Variants in MON2 observed in about 807,000 individuals in gnomAD.
The protein encoded by MON2 is MON2 regulator of endosome-to-Golgi trafficking.
A neutral mutation model predicts 208.6 loss-of-function variants in MON2; 84 were observed. The observed-to-expected ratio is 0.40, with a 90% CI of 0.34 to 0.48. The LOEUF (loss-of-function observed/expected upper bound fraction) is 0.48, where lower values mean the gene tolerates loss of function less well. Among genes scored for constraint, MON2 ranks in the 20% least tolerant of loss-of-function variants. MON2 has a pLI of 0.59. For synonymous variants in MON2, 660 were observed against 694.0 expected (o/e 0.95, Z 0.77); for missense variants, 1,611 against 2,015.4 (o/e 0.80, Z 3.84).
chr12:62,565,598 C>A (rs1487058633), intron 27 of MON2, among the ~76,000 whole-genome samples: 1 of 152,182 alleles, frequency 6.6e-6, no homozygotes, highest in Non-Finnish European at 1.5e-5. Flanking sequence ...CCTCTTCCAA[C>A]TGATTCTTCA....
At position 62,500,864 on chromosome 12, in the gene MON2, C is replaced by T; in HGVS notation, c.647C>T (p.Ala216Val). The change falls in exon 6 of 35, where the codon GCA becomes GTA. Residue 216 changes from alanine (A) to valine (V), a missense_variant. Transcript: ENST00000393630. The part of the protein sequence containing the change: ...VSTLKPCAKD[A>V]YMLFQDLCQL... The stretch of plus-strand genomic sequence containing the variant: ...ACCCTCAAACCTTGTGCTAAAGATG[C>T]ATATATGCTTTTCCAGGTATTTTAG... 6.4e-7 allele frequency: 1 copy of T among 1,562,088 alleles called. No homozygotes were observed. The highest frequency in any genetic ancestry group is 8.7e-7 in the Non-Finnish European group (1 of 1,150,136).
intron 12 of MON2, among the ~76,000 whole-genome samples, chr12:62,534,569 T>TATATATA (rs2072873653): frequency 2.6e-5 from 3 of 114,628 alleles, no homozygotes; most frequent in African/African-American, 1.0e-4. Flanking sequence ...ATATATATAT[T>TATATATA]TTATATATAT....
At chr12:62,559,831 A>G (rs756802452) in intron 25 of MON2, 1 of 152,112 alleles carries the variant, frequency 6.6e-6, no homozygotes, top group Non-Finnish European at 1.5e-5. Context: ...TATGAAAACT[A>G]AAGTATAAAG....
At chr12:62,477,925 A>T (rs1163429301) in intron 1 of MON2, among the ~76,000 whole-genome samples, 1 of 152,210 alleles carries the variant, frequency 6.6e-6, no homozygotes, top group Non-Finnish European at 1.5e-5. Context: ...CCAAGGTTGG[A>T]TGTAGCCTGA....
chr12:62,495,955 GT>G (rs1315303783), intron 4 of MON2, among the ~76,000 whole-genome samples: 7 of 151,924 alleles, frequency 4.6e-5, no homozygotes, highest in Non-Finnish European at 8.8e-5. Context: ...TTTTTAAAAA[GT>G]TTTTTATTAT....
At chr12:62,541,399 G>C (rs1281224146) in intron 19 of MON2, among the ~76,000 whole-genome samples, 1 of 149,382 alleles carries the variant, frequency 6.7e-6, no homozygotes, top group South Asian at 2.1e-4. Flanking sequence ...AAAAGATAAA[G>C]CTTGCAAATT....
chr12:62,508,357 A>G lies in MON2; in HGVS notation c.861A>G (p.Ile287Met). The G allele has an allele frequency of 6.2e-7, 1 of 1,614,018 alleles. No individual in the cohort carries two copies. Among genetic ancestry groups the G allele is most frequent in the Non-Finnish European group, 8.5e-7 (1 of 1,179,894 alleles). Reference protein sequence around the residue: ...PLVIKLFSPNIKFRQGSSTSS... With the variant: ...PLVIKLFSPNMKFRQGSSTSS... ...TGATAAAGCTCTTTTCTCCAAATAT[A>G]AAGTTCAGACAAGGTTCCAGCACCT... is the stretch of plus-strand genomic sequence containing the variant. Residue 287 changes from isoleucine (I) to methionine (M), a missense_variant, in exon 8 of 35, where the codon ATA becomes ATG. Physicochemically the swap from Ile to Met is conservative, Grantham distance 10 (BLOSUM62 1). Transcript: ENST00000393630.
rs1043917911 is a variant in MON2 at position 62,597,710 on chromosome 12, TAGAG to T, written c.*4965_*4968del. 1.1e-4 allele frequency: 17 copies of T among 152,252 alleles called. No individual in the cohort carries two copies. Among genetic ancestry groups the T allele is most frequent in the Middle Eastern group, 3.4e-3 (1 of 292 alleles). 9.4% of individuals were successfully genotyped at this position (152,252 alleles called of 1,614,324 possible). On this transcript the variant is annotated 3_prime_UTR_variant, in exon 35 of 35. Transcript: ENST00000393630. ...AATCATGTCTTTTCTGTTATGTGGG[TAGAG>T]AGATTATATATCTTTTCTCAAAGTA...
intron 26 of MON2, among the ~76,000 whole-genome samples, chr12:62,562,811 T>A (rs1178026632): frequency 6.6e-6 from 1 of 152,164 alleles, no homozygotes; most frequent in Non-Finnish European, 1.5e-5. Context: ...ATGTTGTTCT[T>A]CCTCAGTGCT....
rs1332867541 is a variant in MON2, at chr12:62,566,040, A to C, written c.4194+9A>C. ...TCCAACTATTTGCACCGGTGAGTTA[A>C]ATTTCCTAAAATTGTCCTAACCTCT... On this transcript the variant is annotated intron_variant, in intron 28 of 34. Coordinates refer to ENST00000393630, the MANE Select transcript of MON2 (RefSeq NM_015026.3). 5.0e-6 allele frequency: 8 copies of C among 1,609,220 alleles called. No individual in the cohort carries two copies. Among genetic ancestry groups the C allele is most frequent in the Middle Eastern group, 1.7e-4 (1 of 6,060 alleles).
chr12:62,499,007 T>C lies in MON2; in HGVS notation c.524T>C (p.Val175Ala), dbSNP rs751188247. The change falls in exon 5 of 35, where the codon GTT (valine) becomes GCT (alanine). Residue 175 changes from valine (V) to alanine (A), a missense_variant. By Grantham distance (64) the Val-to-Ala change is moderately conservative (BLOSUM62 0). Coordinates refer to ENST00000393630, the MANE Select transcript of MON2 (RefSeq NM_015026.3). ...AAATVRQVVT[V>A]VFERMVAEDE... ...GCTACAGTGCGACAAGTTGTTACTG[T>C]TGTTTTTGAGAGGATGGTTGCTGAA... is the stretch of plus-strand genomic sequence containing the variant. 7 of 1,613,352 alleles carry C rather than the reference T, an allele frequency of 4.3e-6. No individual in the cohort carries two copies. The highest frequency in any genetic ancestry group is 5.9e-6 in the Non-Finnish European group (7 of 1,179,768).
At chr12:62,503,324 T>C (rs960372889) in intron 7 of MON2, among the ~76,000 whole-genome samples, 6 of 152,312 alleles carry the variant, frequency 3.9e-5, no homozygotes, top group Admixed American at 2.0e-4. Flanking sequence ...CTTTTTTATA[T>C]ACACATCACA....
At chr12:62,589,012 C>T in intron 34 of MON2, 3 of 689,574 alleles carry the variant, frequency 4.4e-6, no homozygotes, top group South Asian at 5.2e-5. Flanking sequence ...GTACATGACT[C>T]ATCTCCCTTT....
At position 62,467,191 on chromosome 12, in the gene MON2, T is replaced by C. The variant is rs1437265108; in HGVS notation, c.-17T>C. Reference sequence around the variant, plus strand: ...TTGTTTGTACCTCTCGGAAATTGGCTGGGACCTTGGAGGATCATGTCCGGC... The same window carrying C: ...TTGTTTGTACCTCTCGGAAATTGGCCGGGACCTTGGAGGATCATGTCCGGC... On this transcript the variant is annotated 5_prime_UTR_variant, in exon 1 of 35. Coordinates refer to ENST00000393630, the MANE Select transcript of MON2 (RefSeq NM_015026.3). 6.2e-7 allele frequency: 1 copy of C among 1,608,368 alleles called. No individual in the cohort carries two copies. The highest frequency in any genetic ancestry group is 1.7e-5 in the Admixed American group (1 of 59,964).
intron 1 of MON2, among the ~76,000 whole-genome samples, chr12:62,480,400 CAA>C (rs1456111034): frequency 6.6e-6 from 1 of 151,558 alleles, no homozygotes; most frequent in African/African-American, 2.4e-5. Flanking sequence ...CTCTACAAAA[CAA>C]AAAACAAAAA....
In MON2 at chr12:62,598,898, A is replaced by G. The variant is rs2136548185; in HGVS notation, c.*6149A>G. 1 of 152,292 alleles carries G rather than the reference A, an allele frequency of 6.6e-6. No individual in the cohort carries two copies. Among genetic ancestry groups the G allele is most frequent in the South Asian group, 2.1e-4 (1 of 4,830 alleles). 9.4% of individuals were successfully genotyped at this position (152,292 alleles called of 1,614,324 possible). Reference sequence around the variant, plus strand: ...TAAGCATGATTCCAGGTTTTTAATTATGTTCCAGCAACACTAGTGTTTCTT... The same window carrying G: ...TAAGCATGATTCCAGGTTTTTAATTGTGTTCCAGCAACACTAGTGTTTCTT... On this transcript the variant is annotated 3_prime_UTR_variant, in exon 35 of 35. Coordinates refer to ENST00000393630, the MANE Select transcript of MON2 (RefSeq NM_015026.3).
rs1555169522 is a variant in MON2, at chr12:62,534,542, A to AAAAAATATATATAT, written c.1634-302_1634-301insAAAATATATATATA. ...GCAAAAAAAAAAAAAAAAAAAAAAAAATATATATATATATATATATATATA... is the reference window on the plus strand; with the variant it reads ...GCAAAAAAAAAAAAAAAAAAAAAAAAAAAAATATATATATATATATATATATATATATATATATA... On this transcript the variant is annotated intron_variant, in intron 12 of 34. Coordinates refer to ENST00000393630, the MANE Select transcript of MON2 (RefSeq NM_015026.3). Among the ~76,000 whole-genome samples, 31 of 22,830 alleles carry AAAAAATATATATAT rather than the reference A, an allele frequency of 1.4e-3. 1 individual carries two copies. Among genetic ancestry groups the AAAAAATATATATAT allele is most frequent in the Non-Finnish European group, 1.9e-3 (25 of 13,446 alleles). The allele number at this position is 22,830 out of a possible 152,430, so 15.0% of individuals were successfully genotyped here.
rs1249928334 is a variant in MON2, at chr12:62,593,972, C to T, written c.*1223C>T. 2 of 152,224 alleles carry T rather than the reference C, an allele frequency of 1.3e-5. No homozygotes were observed. Among genetic ancestry groups the T allele is most frequent in the Non-Finnish European group, 1.5e-5 (1 of 67,984 alleles). The allele number at this position is 152,224 out of a possible 1,614,324, so 9.4% of individuals were successfully genotyped here. ...GCTAATTATGTTTCACTTTCCTAGC[C>T]TAGTGAAAAAGAAAAGTGCTCTTGA... On this transcript the variant is annotated 3_prime_UTR_variant, in exon 35 of 35. Coordinates refer to ENST00000393630, the MANE Select transcript of MON2 (RefSeq NM_015026.3).
chr12:62,533,177 T>C (rs2072741659), intron 12 of MON2, among the ~76,000 whole-genome samples: 1 of 152,194 alleles, frequency 6.6e-6, no homozygotes, highest in Admixed American at 6.5e-5. Context: ...GCTTATTCAT[T>C]TTTGACAGGA....
Sources: allele counts gnomAD v4.1 joint callset (sites outside exome capture counted in the v4.1 genomes callset), GRCh38; gene constraint gnomAD v4.1.1; transcripts MANE v1.5; gene names NCBI Gene and HGNC (gene_info 2026-07-23, HGNC 2026-07-21).